NRXN2: variants seen among roughly 807,000 people sequenced by gnomAD.
NRXN2 encodes the protein neurexin 2.
Under a neutral mutation model 128.8 loss-of-function variants are expected in NRXN2, and 29 were observed. The observed-to-expected ratio is 0.23, with a 90% confidence interval of 0.17 to 0.31. The LOEUF (loss-of-function observed/expected upper bound fraction) is 0.31. Ranked by LOEUF, NRXN2 falls within the 10% of genes least tolerant of loss-of-function variation. NRXN2 has a pLI of 1.00. For missense variants in NRXN2, 1,881 were observed against 2,452.6 expected (o/e 0.77, Z 4.92); for synonymous variants, 1,098 against 1,075.2 (o/e 1.02, Z -0.41).
intron 9 of NRXN2, among the ~76,000 whole-genome samples, chr11:64,664,973 G>C (rs1376367224): frequency 7.5e-6 from 1 of 133,590 alleles, no homozygotes; most frequent in East Asian, 2.1e-4. Flanking sequence ...CTGGGCGACA[G>C]AGAGAGACTT....
At chr11:64,692,960 C>T (rs963818125) in intron 3 of NRXN2, 84 bp from the exon 4 acceptor site, 79 of 1,185,662 alleles carry the variant, frequency 6.7e-5, no homozygotes, top group Middle Eastern at 2.0e-4. Context: ...AAAGAAAACA[C>T]GAGTCATCAA....
In NRXN2 at chr11:64,651,912, G is replaced by A. The variant is rs1202972077; in HGVS notation, c.2536+123C>T. On this transcript the variant is annotated intron_variant, in intron 13 of 22. Coordinates refer to ENST00000265459, the MANE Select transcript of NRXN2 (RefSeq NM_015080.4). The surrounding 1 kb of genome is among the most constrained non-coding windows in gnomAD (Gnocchi z 5.9). The stretch of plus-strand genomic sequence containing the variant: ...ACATTCCACCCCTGAAGGAGAAATG[G>A]CAGAGGCAGCTTGCCAGAACACTGC... The A allele has an allele frequency of 6.9e-7, 1 of 1,458,880 alleles. No individual in the cohort carries two copies. The highest frequency in any genetic ancestry group is 9.5e-7 in the Non-Finnish European group (1 of 1,053,572). The allele number at this position is 1,458,880 out of a possible 1,614,324, so 90.4% of individuals were successfully genotyped here.
At chr11:64,618,728 C>T (rs572206095) in intron 22 of NRXN2, among the ~76,000 whole-genome samples, 2 of 152,282 alleles carry the variant, frequency 1.3e-5, no homozygotes, top group South Asian at 2.1e-4. Context: ...AGCAGAGGGG[C>T]CTCCTAGAGA....
At chr11:64,694,774 C>T (rs2054270898) in intron 3 of NRXN2, among the ~76,000 whole-genome samples, 1 of 152,184 alleles carries the variant, frequency 6.6e-6, no homozygotes, top group African/African-American at 2.4e-5. Context: ...ACCCAGAGCC[C>T]TCAACCCACA....
In NRXN2 at chr11:64,607,591, G is replaced by C; in HGVS notation, c.4744C>G (p.Pro1582Ala). The change falls in exon 23 of 23, where the codon CCC becomes GCC. Residue 1582 changes from proline to alanine, a missense_variant. By Grantham distance (27) the Pro-to-Ala change is conservative (BLOSUM62 -1). This residue lies in a region of NRXN2 where 310 missense variants were observed against 318.2 expected (regional missense o/e 0.97). Transcript: ENST00000265459. ...GGCTCAAAGGACGTGGGGGCCCCGG[G>C]CCCCAAGGGCGGGTTCTCCAGCAAG... ...QPLLENPPLG[P>A]GAPTSFEPRR... 6.5e-7 allele frequency: 1 copy of C among 1,534,534 alleles called. No homozygotes were observed. Among genetic ancestry groups the C allele is most frequent in the Non-Finnish European group, 8.7e-7 (1 of 1,143,838 alleles).
intron 7 of NRXN2, 82 bp from the exon 8 acceptor site, chr11:64,668,686 G>A: frequency 1.3e-6 from 2 of 1,520,176 alleles, no homozygotes; most frequent in Non-Finnish European, 1.8e-6. Context: ...AGGCAAAGGA[G>A]GGGCCAGAGG....
At chr11:64,629,738 T>G (rs2043595217) in intron 19 of NRXN2, among the ~76,000 whole-genome samples, 1 of 152,200 alleles carries the variant, frequency 6.6e-6, no homozygotes, top group African/African-American at 2.4e-5. Flanking sequence ...CTAAGTAGGT[T>G]GTCAACAAAG....
chr11:64,616,201 A>C (rs1171228744), intron 22 of NRXN2, among the ~76,000 whole-genome samples: 2 of 152,116 alleles, frequency 1.3e-5, no homozygotes, highest in African/African-American at 4.8e-5. Flanking sequence ...ATTTGTGTAC[A>C]TGTGGGCATG....
chr11:64,667,664 T>G lies in NRXN2; in HGVS notation c.1384A>C (p.Lys462Gln). The change falls in exon 9 of 23, where the codon AAA (lysine) becomes CAA (glutamine). Residue 462 changes from lysine (K) to glutamine (Q), a missense_variant. This residue lies in a region of NRXN2 where 997 missense variants were observed against 1,240.8 expected (regional missense o/e 0.80). Transcript: ENST00000265459. This position sits in a 1 kb window ranked among gnomAD's most constrained non-coding sequence, Gnocchi z 5.6. ...TTTGCCAGGCGGGATAGTTCCAATT[T>G]GAAGTCATTGTTCTTATAGACCACC... is the stretch of plus-strand genomic sequence containing the variant. The part of the protein sequence containing the change: ...KDVVYKNNDF[K>Q]LELSRLAKEG... 6.2e-7 allele frequency: 1 copy of G among 1,614,072 alleles called. No homozygotes were observed. Among genetic ancestry groups the G allele is most frequent in the Non-Finnish European group, 8.5e-7 (1 of 1,180,022 alleles).
chr11:64,608,897 G>A (rs1398532131), intron 22 of NRXN2, among the ~76,000 whole-genome samples: 1 of 152,090 alleles, frequency 6.6e-6, no homozygotes, highest in South Asian at 2.1e-4. Flanking sequence ...TAGAGAGTAG[G>A]GACATGACAG....
At position 64,630,807 on chromosome 11, in the gene NRXN2, C is replaced by A. The variant is rs1013160766; in HGVS notation, c.3586-234G>T. ...CCCAGAGCGCCTTCCACTAACCACA[C>A]CTGTCTCTTGCCTTTTGGTTTGTCC... On this transcript the variant is annotated intron_variant, in intron 18 of 22. Transcript: ENST00000265459. The surrounding 1 kb of genome is among the most constrained non-coding windows in gnomAD (Gnocchi z 4.6). Among the ~76,000 whole-genome samples the A allele has an allele frequency of 2.0e-5, 3 of 152,204 alleles. No individual in the cohort carries two copies. The highest frequency in any genetic ancestry group is 4.4e-5 in the Non-Finnish European group (3 of 68,024).
chr11:64,635,503 G>A lies in NRXN2; in HGVS notation c.3404-51C>T, dbSNP rs1254598954. The A allele has an allele frequency of 1.9e-6, 3 of 1,592,446 alleles. No individual in the cohort carries two copies. The highest frequency in any genetic ancestry group is 1.1e-5 in the South Asian group (1 of 89,704). ...AGAAGAAATGACATCAGGAGGACGA[G>A]GTCAGCAGGTCCTCAGGGTTGTGAC... On this transcript the variant is annotated intron_variant, in intron 17 of 22. Coordinates refer to ENST00000265459, the MANE Select transcript of NRXN2 (RefSeq NM_015080.4). The surrounding 1 kb of genome is among the most constrained non-coding windows in gnomAD (Gnocchi z 4.8).
chr11:64,620,349 G>A lies in NRXN2; in HGVS notation c.4197C>T (p.Ala1399=). Residue 1399 remains alanine, a synonymous_variant, in exon 22 of 23, where the codon GCC becomes GCT. Transcript: ENST00000265459. ...TTQNTDDLLV[A]SAECPSDDED... is the part of the protein sequence containing the mutation. The stretch of plus-strand genomic sequence containing the variant: ...CATCATCGCTTGGACACTCAGCAGA[G>A]GCCACCAGCAGGTCATCTGTGTTCT... The A allele has an allele frequency of 6.4e-7, 1 of 1,554,144 alleles. No homozygotes were observed. The highest frequency in any genetic ancestry group is 1.9e-5 in the Admixed American group (1 of 51,482).
intron 2 of NRXN2, among the ~76,000 whole-genome samples, chr11:64,703,757 A>G (rs950166306): frequency 6.6e-6 from 1 of 152,160 alleles, no homozygotes; most frequent in African/African-American, 2.4e-5. Flanking sequence ...TCCTCCTTGA[A>G]GCCTTCCCTG....
Position 64,651,373 on chromosome 11 carries a change from G to A in NRXN2, c.2800C>T (p.Leu934Phe). 1 of 1,614,240 alleles carries A rather than the reference G, an allele frequency of 6.2e-7. No homozygotes were observed. Among genetic ancestry groups the A allele is most frequent in the African/African-American group, 1.3e-5 (1 of 75,062 alleles). ...SRSSYLALAT[L>F]QAYASMHLFF... ...AGGTGCATGGAAGCATAGGCTTGGA[G>A]CGTGGCGAGTGCCAGGTAGCTGCTG... The change falls in exon 14 of 23, where the codon CTC (leucine) becomes TTC (phenylalanine). Residue 934 changes from leucine to phenylalanine, a missense_variant. Around this residue, in one of 7 missense-constraint regions of NRXN2, gnomAD observed 390 missense variants for 599.6 expected, o/e 0.65. Transcript: ENST00000265459. This position sits in a 1 kb window ranked among gnomAD's most constrained non-coding sequence, Gnocchi z 5.9.
At chr11:64,704,663 G>GAGAGAGAGAA (rs2056019404) in intron 2 of NRXN2, among the ~76,000 whole-genome samples, 2 of 144,702 alleles carry the variant, frequency 1.4e-5, no homozygotes, top group South Asian at 4.4e-4. Flanking sequence ...GAGAGAGAGA[G>GAGAGAGAGAA]AGAGAGAGAT....
At chr11:64,711,136 C>T (rs560746500) in intron 2 of NRXN2, among the ~76,000 whole-genome samples, 3 of 152,216 alleles carry the variant, frequency 2.0e-5, no homozygotes, top group Non-Finnish European at 2.9e-5. Flanking sequence ...CACCTGCAGG[C>T]TGGGCCCTCC....
At chr11:64,695,038 C>A (rs1436007530) in intron 3 of NRXN2, among the ~76,000 whole-genome samples, 1 of 152,198 alleles carries the variant, frequency 6.6e-6, no homozygotes, top group Non-Finnish European at 1.5e-5. Flanking sequence ...CTCCCTCAGG[C>A]GTGACAGCAC....
chr11:64,696,333 T>C (rs937242209), intron 3 of NRXN2, among the ~76,000 whole-genome samples: 7 of 151,234 alleles, frequency 4.6e-5, no homozygotes, highest in African/African-American at 1.7e-4. Context: ...ATGCTGATGC[T>C]CTACATAGGC....
Sources: allele counts gnomAD v4.1 joint callset (sites outside exome capture counted in the v4.1 genomes callset), GRCh38; gene constraint gnomAD v4.1.1; regional missense constraint gnomAD v4.1.1; non-coding constraint Gnocchi (gnomAD v3.1); transcripts MANE v1.5; gene names NCBI Gene and HGNC (gene_info 2026-07-23, HGNC 2026-07-21).